MAGI2: variants seen among roughly 807,000 people sequenced by gnomAD.
MAGI2 encodes membrane-associated guanylate kinase, WW and PDZ domain-containing protein 2.
A neutral mutation model predicts 133.3 loss-of-function variants in MAGI2; 35 were observed. The observed-to-expected ratio is 0.26, with a 90% CI of 0.20 to 0.35. The LOEUF (loss-of-function observed/expected upper bound fraction) is 0.35, where lower values mean the gene tolerates loss of function less well. Ranked by LOEUF, MAGI2 falls within the 10% of genes least tolerant of loss-of-function variation. MAGI2 has a pLI of 1.00. For synonymous variants in MAGI2, 729 were observed against 710.6 expected, an observed-to-expected ratio of 1.03 and a Z score of -0.41; for missense variants, 1,636 against 1,863.4, an observed-to-expected ratio of 0.88 and a Z score of 2.25.
intron 1 of MAGI2, among the ~76,000 whole-genome samples, chr7:79,043,759 A>G (rs1438836035): frequency 2.0e-5 from 3 of 152,074 alleles, no homozygotes; most frequent in Non-Finnish European, 2.9e-5. Flanking sequence ...CTCAAATACT[A>G]TTATGAATAC....
chr7:78,653,561 A>G (rs1342344533), intron 2 of MAGI2, among the ~76,000 whole-genome samples: 2 of 151,550 alleles, frequency 1.3e-5, no homozygotes, highest in African/African-American at 4.8e-5. Context: ...GCATGTTCTC[A>G]CTCATAAGTG....
chr7:78,329,127 C>G (rs564702670), intron 9 of MAGI2, among the ~76,000 whole-genome samples: 2 of 152,264 alleles, frequency 1.3e-5, no homozygotes, highest in Non-Finnish European at 2.9e-5. Flanking sequence ...ACCATGTGTA[C>G]TCTTGTCACT....
intron 1 of MAGI2, among the ~76,000 whole-genome samples, chr7:79,112,323 C>G (rs1480575122): frequency 6.6e-6 from 1 of 152,138 alleles, no homozygotes; most frequent in African/African-American, 2.4e-5. Context: ...AAGTGAAAGT[C>G]TGTCTCTGGA....
chr7:78,967,448 A>T (rs1344199548), intron 2 of MAGI2, among the ~76,000 whole-genome samples: 2 of 151,804 alleles, frequency 1.3e-5, no homozygotes, highest in Non-Finnish European at 2.9e-5. Flanking sequence ...TTTTTAGTTC[A>T]TTGTAGTCCA....
intron 1 of MAGI2, among the ~76,000 whole-genome samples, chr7:79,444,978 T>C (rs1848742738): frequency 6.6e-6 from 1 of 152,012 alleles, no homozygotes; most frequent in African/African-American, 2.4e-5. Context: ...TATAGACCAA[T>C]GGAACAGAAC....
chr7:78,680,373 A>G (rs537086251), intron 2 of MAGI2, among the ~76,000 whole-genome samples: 19 of 152,196 alleles, frequency 1.2e-4, no homozygotes, highest in Non-Finnish European at 2.4e-4. Context: ...AGGGTTCCTT[A>G]GGGGAAGTAC....
chr7:78,223,959 G>T (rs901288078), intron 10 of MAGI2, among the ~76,000 whole-genome samples: 49 of 152,198 alleles, frequency 3.2e-4, no homozygotes, highest in African/African-American at 1.1e-3. Context: ...TTACCGACTT[G>T]GTACAATTGA....
chr7:79,359,976 T>A (rs1842280550), intron 1 of MAGI2, among the ~76,000 whole-genome samples: 1 of 152,192 alleles, frequency 6.6e-6, no homozygotes, highest in African/African-American at 2.4e-5. Context: ...TATAAAACAC[T>A]GTTCTTGGAG....
At chr7:79,138,604 C>T (rs1292196075) in intron 1 of MAGI2, among the ~76,000 whole-genome samples, 1 of 152,144 alleles carries the variant, frequency 6.6e-6, no homozygotes, top group African/African-American at 2.4e-5. Flanking sequence ...GAAGCCATAA[C>T]CCCCAATGTG....
chr7:78,143,709 T>C (rs1822992448), intron 16 of MAGI2, among the ~76,000 whole-genome samples: 1 of 152,156 alleles, frequency 6.6e-6, no homozygotes, highest in African/African-American at 2.4e-5. Flanking sequence ...AAAAATCGTA[T>C]GTCATTCCCA....
intron 1 of MAGI2, among the ~76,000 whole-genome samples, chr7:79,122,434 T>G (rs761855371): frequency 2.6e-5 from 4 of 152,170 alleles, no homozygotes; most frequent in Non-Finnish European, 4.4e-5. Flanking sequence ...CATAGATGTA[T>G]AGGGTTATAG....
intron 1 of MAGI2, among the ~76,000 whole-genome samples, chr7:79,187,224 CAAG>C (rs1827250999): frequency 6.6e-6 from 1 of 151,516 alleles, no homozygotes; most frequent in Non-Finnish European, 1.5e-5. Context: ...AATTTTAATA[CAAG>C]AAGTATTATT....
At chr7:78,203,354 G>T (rs1246534470) in intron 10 of MAGI2, among the ~76,000 whole-genome samples, 1 of 152,174 alleles carries the variant, frequency 6.6e-6, no homozygotes, top group African/African-American at 2.4e-5. Context: ...CCCTCCTATA[G>T]AAAATGTATA....
intron 8 of MAGI2, chr7:78,345,701 G>T: frequency 1.8e-6 from 1 of 566,216 alleles, no homozygotes; most frequent in East Asian, 3.1e-5. Context: ...GTGACATGCT[G>T]TACATTCCTA....
At chr7:79,109,164 A>T (rs1188202998) in intron 1 of MAGI2, among the ~76,000 whole-genome samples, 5 of 152,242 alleles carry the variant, frequency 3.3e-5, no homozygotes, top group Admixed American at 1.3e-4. Context: ...AAGATACTTG[A>T]AAATCTGGAA....
intron 1 of MAGI2, among the ~76,000 whole-genome samples, chr7:79,428,863 C>G (rs1585947659): frequency 1.3e-5 from 2 of 152,036 alleles, no homozygotes; most frequent in East Asian, 3.9e-4. Flanking sequence ...GCTTTTATTT[C>G]TAAGAACACA....
chr7:78,085,937 C>T (rs1348337550), intron 20 of MAGI2, among the ~76,000 whole-genome samples: 4 of 151,828 alleles, frequency 2.6e-5, no homozygotes, highest in Admixed American at 6.6e-5. Context: ...TCTGGACATT[C>T]ATAACGGGGA....
At chr7:78,569,240 C>T (rs967094818) in intron 3 of MAGI2, among the ~76,000 whole-genome samples, 1 of 152,040 alleles carries the variant, frequency 6.6e-6, no homozygotes, top group Non-Finnish European at 1.5e-5. Context: ...TATAGTGTTT[C>T]ATTTCTTACA....
At chr7:78,195,825 C>G (rs1291679652) in intron 11 of MAGI2, among the ~76,000 whole-genome samples, 1 of 152,206 alleles carries the variant, frequency 6.6e-6, no homozygotes, top group African/African-American at 2.4e-5. Context: ...AAGGAGGAAG[C>G]CAGACTCCCT....
Sources: gnomAD v4.1 joint callset for allele counts (sites outside exome capture counted in the v4.1 genomes callset) on GRCh38, gnomAD v4.1.1 for gene constraint, MANE v1.5 for transcripts, NCBI Gene and HGNC (gene_info 2026-07-23, HGNC 2026-07-21) for gene names.